ADGRG6: variants seen among roughly 807,000 people sequenced by gnomAD.
The protein encoded by ADGRG6 is G-protein coupled receptor 126.
A neutral mutation model predicts 142.4 loss-of-function variants in ADGRG6; 84 were observed. The ratio of observed to expected loss-of-function variants is 0.59; its 90% CI spans 0.49 to 0.71. ADGRG6 has a LOEUF of 0.71. Among genes scored for constraint, ADGRG6 ranks in the 30% least tolerant of loss-of-function variants. ADGRG6 has a pLI of 0.00. For synonymous variants in ADGRG6, 521 were observed against 520.5 expected, an observed-to-expected ratio of 1.00 and a Z score of -0.01; for missense variants, 1,367 against 1,466.6, an observed-to-expected ratio of 0.93 and a Z score of 1.11.
intron 2 of ADGRG6, among the ~76,000 whole-genome samples, chr6:142,325,148 T>G (rs1166129793): frequency 6.6e-6 from 1 of 152,104 alleles, no homozygotes; most frequent in Non-Finnish European, 1.5e-5. Context: ...AAGAAAACCT[T>G]CCCAAGCAGT....
chr6:142,444,903 C>T lies in ADGRG6; in HGVS notation c.*1388C>T, dbSNP rs1777907554. 3.9e-5 allele frequency: 6 copies of T among 152,122 alleles called. No homozygotes were observed. Among genetic ancestry groups the T allele is most frequent in the Admixed American group, 3.9e-4 (6 of 15,254 alleles). 9.4% of individuals were successfully genotyped at this position (152,122 alleles called of 1,614,324 possible). On this transcript the variant is annotated 3_prime_UTR_variant, in exon 25 of 25. Coordinates refer to ENST00000367609, the MANE Select transcript of ADGRG6 (RefSeq NM_198569.3). ...CTGGGAAGTATCAGGTTCTGGGAGG[C>T]AACAGCATTAAGTGATAAGAAAAGG...
intron 1 of ADGRG6, among the ~76,000 whole-genome samples, chr6:142,307,729 A>G (rs1372436615): frequency 2.6e-5 from 4 of 152,060 alleles, no homozygotes; most frequent in Non-Finnish European, 4.4e-5. Flanking sequence ...TTACTAAAAC[A>G]TACTTCTCAT....
At chr6:142,406,150 A>G (rs1775793572) in intron 15 of ADGRG6, among the ~76,000 whole-genome samples, 1 of 151,100 alleles carries the variant, frequency 6.6e-6, no homozygotes, top group African/African-American at 2.4e-5. Context: ...CCAATCATTT[A>G]GGCCTTTACA....
At chr6:142,303,516 A>T (rs576530680) in intron 1 of ADGRG6, among the ~76,000 whole-genome samples, 6 of 152,262 alleles carry the variant, frequency 3.9e-5, no homozygotes, top group African/African-American at 1.4e-4. Context: ...TGCATGTGAA[A>T]TAATTCCACA....
chr6:142,400,146 C>T (rs1349369566), intron 10 of ADGRG6, among the ~76,000 whole-genome samples: 1 of 152,040 alleles, frequency 6.6e-6, no homozygotes, highest in East Asian at 1.9e-4. Flanking sequence ...GGATTGTTTT[C>T]CTTCTCTGTA....
intron 22 of ADGRG6, among the ~76,000 whole-genome samples, chr6:142,434,259 C>G (rs1430743543): frequency 6.6e-6 from 1 of 151,378 alleles, no homozygotes; most frequent in African/African-American, 2.4e-5. Flanking sequence ...ATATAATGCA[C>G]TATTACTTAG....
At chr6:142,424,863 T>C (rs932030552) in intron 22 of ADGRG6, among the ~76,000 whole-genome samples, 5 of 152,060 alleles carry the variant, frequency 3.3e-5, no homozygotes, top group Admixed American at 6.6e-5. Flanking sequence ...CCTTGTGACG[T>C]TGAGAATGTG....
chr6:142,394,902 A>G (rs919672574), intron 9 of ADGRG6, among the ~76,000 whole-genome samples: 11 of 152,044 alleles, frequency 7.2e-5, no homozygotes, highest in African/African-American at 2.4e-4. Flanking sequence ...GCCTCCATAC[A>G]ATTTTTTAAA....
At chr6:142,350,384 C>T (rs759394078) in intron 2 of ADGRG6, among the ~76,000 whole-genome samples, 5 of 152,150 alleles carry the variant, frequency 3.3e-5, no homozygotes, top group Admixed American at 2.6e-4. Context: ...AAATGAAGTG[C>T]ACAAGGTGGA....
chr6:142,351,263 A>G (rs937423363), intron 2 of ADGRG6, among the ~76,000 whole-genome samples: 2 of 152,086 alleles, frequency 1.3e-5, no homozygotes, highest in Non-Finnish European at 2.9e-5. Context: ...CAAACAAACA[A>G]AAGAACAAAG....
intron 20 of ADGRG6, among the ~76,000 whole-genome samples, chr6:142,416,699 A>G (rs993910647): frequency 6.6e-6 from 1 of 152,134 alleles, no homozygotes. Context: ...AAGACCTTCA[A>G]AACCACCTCA....
intron 11 of ADGRG6, 181 bp downstream of exon 11, chr6:142,400,777 G>A (rs999898800): frequency 3.8e-6 from 2 of 522,648 alleles, no homozygotes; most frequent in African/African-American, 1.9e-5. Context: ...GACTCAGAAA[G>A]GCAGTGTTTT....
At chr6:142,435,697 C>T (rs1234905106) in intron 22 of ADGRG6, among the ~76,000 whole-genome samples, 1 of 151,882 alleles carries the variant, frequency 6.6e-6, no homozygotes, top group African/African-American at 2.4e-5. Flanking sequence ...TCTCTTGGAG[C>T]TTATTATCTG....
intron 10 of ADGRG6, among the ~76,000 whole-genome samples, chr6:142,400,165 T>G (rs146769324): frequency 1.2e-3 from 177 of 152,356 alleles, no homozygotes; most frequent in African/African-American, 4.0e-3. Context: ...TAGGGTTTAT[T>G]TCTTTGAATA....
chr6:142,370,999 G>A, intron 4 of ADGRG6: 1 of 546,272 alleles, frequency 1.8e-6, no homozygotes, highest in Non-Finnish European at 3.2e-6. Flanking sequence ...TTGATTATAA[G>A]CCATGCATGC....
intron 9 of ADGRG6, 107 bp from the exon 10 acceptor site, chr6:142,397,506 T>C: frequency 2.1e-6 from 2 of 936,956 alleles, no homozygotes; most frequent in Non-Finnish European, 1.6e-6. Flanking sequence ...CTCTTCAGTC[T>C]CAACAGGTGA....
intron 16 of ADGRG6, among the ~76,000 whole-genome samples, chr6:142,408,530 A>G (rs373166734): frequency 1.4e-4 from 22 of 152,240 alleles, no homozygotes; most frequent in African/African-American, 4.3e-4. Context: ...TTTCAGATAT[A>G]ACATATATTG....
At chr6:142,389,094 A>G (rs1782174918) in intron 6 of ADGRG6, among the ~76,000 whole-genome samples, 1 of 151,980 alleles carries the variant, frequency 6.6e-6, no homozygotes, top group Admixed American at 6.6e-5. Flanking sequence ...CTGTGCTTGG[A>G]CTTGTGCCAG....
At position 142,414,969 on chromosome 6, in the gene ADGRG6, G is replaced by T; in HGVS notation, c.2542G>T (p.Asp848Tyr). 1 of 1,608,616 alleles carries T rather than the reference G, an allele frequency of 6.2e-7. No individual in the cohort carries two copies. Among genetic ancestry groups the T allele is most frequent in the Non-Finnish European group, 8.5e-7 (1 of 1,177,432 alleles). Residue 848 changes from aspartate (D) to tyrosine (Y), a missense_variant and splice_region_variant, in exon 19 of 25, where the codon GAC becomes TAC. Physicochemically the swap from Asp to Tyr is radical, Grantham distance 160 (BLOSUM62 -3). This residue lies in a region of ADGRG6 where 286 missense variants were observed against 371.4 expected (regional missense o/e 0.77). Coordinates refer to ENST00000367609, the MANE Select transcript of ADGRG6 (RefSeq NM_198569.3). ...NHFTHFGVLM[D>Y]LPRSASQLDA... ...CAGCTGCTCGCCATGTTTTATGTAG[G>T]ACCTTCCAAGAAGTGCCTCACAGTT... is the stretch of plus-strand genomic sequence containing the variant.
Sources: allele counts gnomAD v4.1 joint callset (sites outside exome capture counted in the v4.1 genomes callset), GRCh38; gene constraint gnomAD v4.1.1; regional missense constraint gnomAD v4.1.1; transcripts MANE v1.5; gene names NCBI Gene and HGNC (gene_info 2026-07-23, HGNC 2026-07-21).